Variants in DST observed in about 807,000 individuals in gnomAD.
DST encodes bullous pemphigoid antigen.
DST carries 253 observed loss-of-function variants against 875.2 expected under a neutral mutation model. The ratio of observed to expected loss-of-function variants is 0.29; its 90% CI spans 0.26 to 0.32. The LOEUF is 0.32. DST is among the 10% of genes least tolerant of loss of function. DST has a pLI of 1.00. For missense variants in DST, 8,287 were observed against 9,111.6 expected (o/e 0.91, Z 3.68); for synonymous variants, 3,124 against 3,197.1 (o/e 0.98, Z 0.77).
At chr6:56,868,276 T>A (rs1775217650) in intron 3 of DST, among the ~76,000 whole-genome samples, 2 of 152,220 alleles carry the variant, frequency 1.3e-5, no homozygotes, top group South Asian at 2.1e-4. Context: ...GTTCTGATAG[T>A]TCAGCATCTC....
chr6:56,623,089 T>C (rs993357575), intron 36 of DST, among the ~76,000 whole-genome samples: 2 of 152,234 alleles, frequency 1.3e-5, no homozygotes, highest in Admixed American at 1.3e-4. Context: ...CCTTCGCTTG[T>C]TCTTCCATAA....
At chr6:56,896,424 G>A (rs906780558) in intron 3 of DST, among the ~76,000 whole-genome samples, 2 of 152,250 alleles carry the variant, frequency 1.3e-5, no homozygotes, top group Middle Eastern at 3.4e-3. Context: ...ATGTTAAGAA[G>A]TGCCTTTCAC....
rs775570122 is a variant in DST at position 56,459,317 on chromosome 6, C to T, written c.23195-50G>A. 6 of 1,546,914 alleles carry T rather than the reference C, an allele frequency of 3.9e-6. No homozygotes were observed. In the Middle Eastern group the frequency reaches 5.3e-4, roughly 136 times the overall value. On this transcript the variant is annotated intron_variant, in intron 103 of 103. Coordinates refer to ENST00000680361, the MANE Select transcript of DST (RefSeq NM_001374736.1). ...TCACCCTTATTATTGGGTCCATCTG[C>T]AACTAATTTTTGAAACCCGATGCCA...
At chr6:56,824,151 G>C (rs1258594164) in intron 4 of DST, among the ~76,000 whole-genome samples, 1 of 152,076 alleles carries the variant, frequency 6.6e-6, no homozygotes, top group African/African-American at 2.4e-5. Flanking sequence ...TGCGATTGCA[G>C]GCGCGCGCCG....
At chr6:56,493,974 A>C in intron 83 of DST, 36 bp downstream of exon 83, 2 of 1,457,410 alleles carry the variant, frequency 1.4e-6, no homozygotes, top group Non-Finnish European at 9.1e-7. Flanking sequence ...GAAACAACTA[A>C]AACACTGATT....
chr6:56,625,313 A>G lies in DST; in HGVS notation c.4723-49T>C, dbSNP rs112121053. 5,952 of 1,143,630 alleles carry G rather than the reference A, an allele frequency of 5.2e-3. 174 individuals carry two copies. The African/African-American group carries it at 0.076, about 15-fold the overall frequency. 70.8% of individuals were successfully genotyped at this position (1,143,630 alleles called of 1,614,324 possible). On this transcript the variant is annotated intron_variant, in intron 34 of 103. Transcript: ENST00000680361. Reference sequence around the variant, plus strand: ...AAAATGAATTGAAGCAAAGTACTAGAGTTTCATTCTACAATAATTTAACAC... The same window carrying G: ...AAAATGAATTGAAGCAAAGTACTAGGGTTTCATTCTACAATAATTTAACAC...
chr6:56,637,231 A>G (rs2152771771), intron 22 of DST, among the ~76,000 whole-genome samples: 1 of 152,322 alleles, frequency 6.6e-6, no homozygotes, highest in East Asian at 1.9e-4. Context: ...ATTTCTTTTC[A>G]ATTTTAAACT....
At chr6:56,734,120 C>T (rs1267025498) in intron 5 of DST, among the ~76,000 whole-genome samples, 3 of 152,234 alleles carry the variant, frequency 2.0e-5, no homozygotes, top group East Asian at 3.8e-4. Context: ...GACAGATGAA[C>T]TGCCGCATGC....
At chr6:56,512,668 T>TA (rs904753283) in intron 72 of DST, among the ~76,000 whole-genome samples, 1 of 152,218 alleles carries the variant, frequency 6.6e-6, no homozygotes, top group African/African-American at 2.4e-5. Flanking sequence ...GCCACATACC[T>TA]AGATTTTTAT....
chr6:56,854,478 T>C (rs1298428649), intron 3 of DST, among the ~76,000 whole-genome samples: 3 of 152,102 alleles, frequency 2.0e-5, no homozygotes, highest in East Asian at 1.9e-4. Flanking sequence ...ATGGATACCA[T>C]AGTCTACTCT....
chr6:56,843,465 G>A (rs1324612272), intron 4 of DST: 57 of 1,001,212 alleles, frequency 5.7e-5, no homozygotes, highest in Non-Finnish European at 6.8e-5. Flanking sequence ...CACGCCAAGC[G>A]GAGGAGCGGG....
intron 55 of DST, among the ~76,000 whole-genome samples, chr6:56,567,479 A>T (rs1438659412): frequency 1.3e-5 from 2 of 151,994 alleles, no homozygotes; most frequent in African/African-American, 4.8e-5. Context: ...CAACAAAAAA[A>T]ACACTTGATA....
At chr6:56,923,391 C>T (rs1398594201) in intron 2 of DST, among the ~76,000 whole-genome samples, 1 of 123,034 alleles carries the variant, frequency 8.1e-6, no homozygotes, top group Non-Finnish European at 1.6e-5. Flanking sequence ...TCAGAAAGTA[C>T]TTATTTGGGA....
intron 100 of DST, 55 bp from the exon 101 acceptor site, chr6:56,463,819 G>A (rs749909710): frequency 1.1e-5 from 18 of 1,575,714 alleles, no homozygotes; most frequent in Middle Eastern, 1.7e-4. Flanking sequence ...AAGAAGAGGC[G>A]CTCAATCGTT....
chr6:56,692,618 A>G (rs1356469889), intron 9 of DST: 24 of 1,289,666 alleles, frequency 1.9e-5, no homozygotes, highest in Non-Finnish European at 2.4e-5. Flanking sequence ...TTTCGGAAAG[A>G]AAAAACATCA....
At chr6:56,670,924 C>G in intron 9 of DST, 117 bp from the exon 10 acceptor site, 1 of 559,530 alleles carries the variant, frequency 1.8e-6, no homozygotes, top group East Asian at 3.1e-5. Context: ...ACAATTCCCG[C>G]TTCATGAGAT....
chr6:56,676,807 T>A (rs891993894), intron 9 of DST, among the ~76,000 whole-genome samples: 2 of 152,106 alleles, frequency 1.3e-5, no homozygotes, highest in Admixed American at 1.3e-4. Context: ...ATGATCTCAC[T>A]TATATGTAGA....
At chr6:56,707,517 T>C (rs1462450801) in intron 5 of DST, among the ~76,000 whole-genome samples, 2 of 152,224 alleles carry the variant, frequency 1.3e-5, no homozygotes, top group Admixed American at 6.5e-5. Flanking sequence ...AGAAGGACAG[T>C]AGAATCCAAG....
In DST at chr6:56,605,019, G is replaced by A; in HGVS notation, c.9609C>T (p.Val3203=). The A allele has an allele frequency of 1.2e-6, 2 of 1,612,854 alleles. No homozygotes were observed. The highest frequency in any genetic ancestry group is 1.7e-6 in the Non-Finnish European group (2 of 1,179,288). ...GGGCAGTTATTAAAACATGGCTTGG[G>A]ACATCTTCATTTGGTTTGGCTACAT... ...AKDVAKPNED[V]PSHVLITAPP... The change falls in exon 40 of 104, where the codon GTC becomes GTT. Residue 3203 remains valine, a synonymous_variant. Coordinates refer to ENST00000680361, the MANE Select transcript of DST (RefSeq NM_001374736.1).
Sources: allele counts gnomAD v4.1 joint callset (sites outside exome capture counted in the v4.1 genomes callset), GRCh38; gene constraint gnomAD v4.1.1; transcripts MANE v1.5; gene names NCBI Gene and HGNC (gene_info 2026-07-23, HGNC 2026-07-21).